The following NDUFA5 variants were observed in gnomAD, a reference collection of about 807,000 sequenced individuals.
NDUFA5 encodes NADH dehydrogenase [ubiquinone] 1 alpha subcomplex subunit 5.
NDUFA5 carries 11 observed loss-of-function variants against 19.8 expected under a neutral mutation model. The ratio of observed to expected loss-of-function variants is 0.56; its 90% CI spans 0.35 to 0.92. NDUFA5 has a LOEUF of 0.92. Ranked by LOEUF, NDUFA5 falls within the 40% of genes least tolerant of loss-of-function variation. NDUFA5 has a pLI of 0.01. For synonymous variants in NDUFA5, 47 were observed against 46.8 expected (o/e 1.00, Z -0.01); for missense variants, 109 against 134.2 (o/e 0.81, Z 0.93).
intron 4 of NDUFA5, 133 bp from the exon 5 acceptor site, chr7:123,542,353 A>G: frequency 1.7e-6 from 1 of 587,464 alleles, no homozygotes; most frequent in East Asian, 3.1e-5. Context: ...TCAAATGTTG[A>G]ATATTAAGTA....
chr7:123,542,411 G>C (rs1797973174), intron 4 of NDUFA5, among the ~76,000 whole-genome samples, 191 bp from the exon 5 acceptor site: 1 of 152,060 alleles, frequency 6.6e-6, no homozygotes, highest in African/African-American at 2.4e-5. Flanking sequence ...AGTAAGAAAG[G>C]ATATCTTTTG....
At chr7:123,560,286 C>G (rs913998429), upstream of NDUFA5, among the ~76,000 whole-genome samples, 10 of 152,172 alleles carry the variant, frequency 6.6e-5, no homozygotes, top group South Asian at 2.1e-3. Flanking sequence ...TATTTTTCCA[C>G]TCTCACCACT....
chr7:123,584,690 T>C, the NDUFA5 span, among the ~76,000 whole-genome samples: 1 of 151,936 alleles, frequency 6.6e-6, no homozygotes, highest in South Asian at 2.1e-4. Flanking sequence ...ATACAAAGAC[T>C]GTTAGCTTTC....
the NDUFA5 span, among the ~76,000 whole-genome samples, chr7:123,564,547 A>G: frequency 6.6e-6 from 1 of 152,016 alleles, no homozygotes; most frequent in Non-Finnish European, 1.5e-5. Context: ...CACATATGAA[A>G]TAGCCATATA....
chr7:123,558,012 G>A (rs1003239697), upstream of NDUFA5: 29 of 720,746 alleles, frequency 4.0e-5, no homozygotes, highest in Non-Finnish European at 6.3e-5. Flanking sequence ...GCTAGAAGAC[G>A]ATTGGGGAAA....
upstream of NDUFA5, chr7:123,557,928 C>T (rs1798627626): frequency 6.7e-7 from 1 of 1,483,194 alleles, no homozygotes; most frequent in Non-Finnish European, 9.3e-7. Context: ...GCCAAAGGAG[C>T]AAAGACTCTG....
At chr7:123,548,344 A>C (rs975120460) in intron 3 of NDUFA5, among the ~76,000 whole-genome samples, 3 of 152,194 alleles carry the variant, frequency 2.0e-5, no homozygotes, top group African/African-American at 7.2e-5. Flanking sequence ...CTAAGGATAC[A>C]AAGTTGAATC....
At chr7:123,584,408 G>A in the NDUFA5 span, among the ~76,000 whole-genome samples, 6 of 151,606 alleles carry the variant, frequency 4.0e-5, no homozygotes, top group African/African-American at 1.5e-4. Context: ...AGGCATCAGT[G>A]TTTTCTAAAG....
chr7:123,594,663 C>T, the NDUFA5 span, among the ~76,000 whole-genome samples: 2 of 152,152 alleles, frequency 1.3e-5, no homozygotes, highest in Non-Finnish European at 2.9e-5. Context: ...AAGCTTCGTC[C>T]CAGAGGGTCA....
Position 123,541,525 on chromosome 7 carries a change from T to C in NDUFA5, c.*594A>G, listed in dbSNP as rs955511467. 6.6e-6 allele frequency: 1 copy of C among 152,182 alleles called. No individual in the cohort carries two copies. Among genetic ancestry groups the C allele is most frequent in the Non-Finnish European group, 1.5e-5 (1 of 68,030 alleles). The allele number at this position is 152,182 out of a possible 1,614,324, so 9.4% of individuals were successfully genotyped here. A position where few individuals can be genotyped will look rare whatever the true frequency, so the allele number is the denominator to read the frequency against. ...TAAGAAAACAGAGTAAATGGTATAA[T>C]TCAATAATGACTAAAATAAAATGAC... On this transcript the variant is annotated 3_prime_UTR_variant, in exon 5 of 5. Coordinates refer to ENST00000355749, the MANE Select transcript of NDUFA5 (RefSeq NM_005000.5).
At chr7:123,579,851 A>T in the NDUFA5 span, among the ~76,000 whole-genome samples, 2 of 152,104 alleles carry the variant, frequency 1.3e-5, no homozygotes, top group African/African-American at 4.8e-5. Context: ...AACATAAAGC[A>T]TATAATAAAA....
At chr7:123,556,860 G>A (rs775742925) in intron 2 of NDUFA5, 1 of 512,646 alleles carries the variant, frequency 2.0e-6, no homozygotes, top group East Asian at 5.5e-5. Context: ...GGGTGAATAA[G>A]AAAGAAATTG....
chr7:123,563,099 C>A, the NDUFA5 span, among the ~76,000 whole-genome samples: 1 of 152,106 alleles, frequency 6.6e-6, no homozygotes. Context: ...CCGCGCCTGG[C>A]CTGTTTTGCC....
At chr7:123,566,489 C>G in the NDUFA5 span, among the ~76,000 whole-genome samples, 3 of 152,062 alleles carry the variant, frequency 2.0e-5, no homozygotes, top group Non-Finnish European at 4.4e-5. Context: ...GGATAGCTGC[C>G]CCTAGAAACA....
chr7:123,539,157 G>C lies in NDUFA5; in HGVS notation c.*2962C>G, dbSNP rs555984345. The C allele has an allele frequency of 6.6e-6, 1 of 152,314 alleles. No homozygotes were observed. The highest frequency in any genetic ancestry group is 2.1e-4 in the South Asian group (1 of 4,828). The allele number at this position is 152,314 out of a possible 1,614,324, so 9.4% of individuals were successfully genotyped here. On this transcript the variant is annotated 3_prime_UTR_variant, in exon 5 of 5. Transcript: ENST00000355749. The stretch of plus-strand genomic sequence containing the variant: ...CAATGACAGACTAGTTGATCCTACT[G>C]GTGTGGGAAAGATGGCAACCTTGAG...
chr7:123,546,652 T>G (rs1202782840), intron 3 of NDUFA5: 20 of 1,280,054 alleles, frequency 1.6e-5, no homozygotes, highest in Non-Finnish European at 2.0e-5. Context: ...AGGGAGAAAA[T>G]AATACATTTT....
At chr7:123,562,798 CTTT>C (rs35492926), upstream of NDUFA5, among the ~76,000 whole-genome samples, 722 of 135,992 alleles carry the variant, frequency 5.3e-3, 2 homozygotes, top group Non-Finnish European at 7.1e-3. Flanking sequence ...TTCTTTCTTT[CTTT>C]TTTTTTTTTT....
intron 3 of NDUFA5, among the ~76,000 whole-genome samples, chr7:123,547,522 T>C (rs1443453373): frequency 6.6e-6 from 1 of 152,124 alleles, no homozygotes; most frequent in East Asian, 1.9e-4. Flanking sequence ...ATTCAATAAA[T>C]GTTTCTTGGT....
chr7:123,575,143 TAAG>T, the NDUFA5 span, among the ~76,000 whole-genome samples: 3 of 152,140 alleles, frequency 2.0e-5, no homozygotes, highest in South Asian at 6.2e-4. Context: ...TTCAGATATT[TAAG>T]AAGGTTTGTA....
Sources: allele counts gnomAD v4.1 joint callset (sites outside exome capture counted in the v4.1 genomes callset), GRCh38; gene constraint gnomAD v4.1.1; transcripts MANE v1.5; gene names NCBI Gene and HGNC (gene_info 2026-07-23, HGNC 2026-07-21).